Variants in TFB1M observed in about 807,000 individuals in gnomAD.
The protein encoded by TFB1M is transcription factor B1, mitochondrial, also known as dimethyladenosine transferase 1, mitochondrial.
In TFB1M, 27 loss-of-function variants were observed where a neutral mutation model predicts 31.1. That is an observed-to-expected ratio of 0.87 (90% CI 0.64 to 1.20). The LOEUF is 1.20. Ranked by LOEUF, TFB1M falls within the 50% of genes most tolerant of loss-of-function variation. TFB1M has a pLI of 0.00. For missense variants in TFB1M, 394 were observed against 418.7 expected (o/e 0.94, Z 0.51); for synonymous variants, 166 against 151.8 (o/e 1.09, Z -0.69).
chr6:155,310,072 C>A (rs755010474), intron 2 of TFB1M, among the ~76,000 whole-genome samples: 1 of 152,092 alleles, frequency 6.6e-6, no homozygotes, highest in African/African-American at 2.4e-5. Context: ...ACACAAAGTT[C>A]TAGGTTTTCA....
At chr6:155,239,691 C>T in the TFB1M span, among the ~76,000 whole-genome samples, 1 of 152,190 alleles carries the variant, frequency 6.6e-6, no homozygotes, top group Non-Finnish European at 1.5e-5. Flanking sequence ...CTATGTGATT[C>T]CTTTCCCATG....
intron 2 of TFB1M, among the ~76,000 whole-genome samples, chr6:155,310,469 T>C (rs1355796289): frequency 1.3e-5 from 2 of 152,192 alleles, no homozygotes; most frequent in Non-Finnish European, 2.9e-5. Context: ...TTTAGCTCTT[T>C]CTTAGAAAAG....
chr6:155,285,949 C>T (rs1167917288), intron 4 of TFB1M, among the ~76,000 whole-genome samples: 1 of 151,580 alleles, frequency 6.6e-6, no homozygotes, highest in Admixed American at 6.6e-5. Flanking sequence ...ATTTAAATTC[C>T]ATGTAAAATT....
chr6:155,245,376 T>G, the TFB1M span, among the ~76,000 whole-genome samples: 5 of 152,260 alleles, frequency 3.3e-5, 1 homozygote, highest in South Asian at 1.0e-3. Flanking sequence ...GAACTTTCTT[T>G]GTTTCTTGTC....
intron 5 of TFB1M, chr6:155,275,918 A>T: frequency 6.2e-7 from 1 of 1,614,092 alleles, no homozygotes; most frequent in Non-Finnish European, 8.5e-7. Flanking sequence ...CTGTGCCCTG[A>T]AACACTCCAT....
intron 5 of TFB1M, among the ~76,000 whole-genome samples, chr6:155,269,040 A>G (rs1470795755): frequency 6.6e-6 from 1 of 151,554 alleles, no homozygotes; most frequent in East Asian, 1.9e-4. Flanking sequence ...ATGGACTGCA[A>G]TCACTCAACC....
chr6:155,309,001 C>A (rs910471630), intron 2 of TFB1M, among the ~76,000 whole-genome samples: 1 of 152,116 alleles, frequency 6.6e-6, no homozygotes, highest in Non-Finnish European at 1.5e-5. Flanking sequence ...TCCTTTCCTG[C>A]ATATAAGATA....
intron 1 of TFB1M, among the ~76,000 whole-genome samples, chr6:155,311,770 T>C (rs777605293): frequency 2.0e-5 from 3 of 152,208 alleles, no homozygotes; most frequent in African/African-American, 4.8e-5. Context: ...TCAGTATTGC[T>C]AGTGAAATCC....
chr6:155,269,424 C>T (rs1428707017), intron 5 of TFB1M, among the ~76,000 whole-genome samples: 6 of 149,754 alleles, frequency 4.0e-5, no homozygotes, highest in South Asian at 4.2e-4. Flanking sequence ...TGGGTTCAAG[C>T]GATTCTCTTG....
At chr6:155,276,751 A>G (rs1785243312) in intron 5 of TFB1M, among the ~76,000 whole-genome samples, 1 of 152,236 alleles carries the variant, frequency 6.6e-6, no homozygotes, top group East Asian at 1.9e-4. Context: ...CCTGGTGTTA[A>G]CCAAGAATAT....
chr6:155,301,483 C>T (rs1777427668), intron 2 of TFB1M, among the ~76,000 whole-genome samples: 1 of 152,126 alleles, frequency 6.6e-6, no homozygotes, highest in African/African-American at 2.4e-5. Flanking sequence ...GGGAAAATCA[C>T]TATTATATGC....
intron 5 of TFB1M, chr6:155,260,647 G>T: frequency 1.8e-6 from 1 of 543,756 alleles, no homozygotes; most frequent in East Asian, 3.3e-5. Context: ...GTGCTTGATG[G>T]TCACTTAATT....
chr6:155,305,268 ATT>A (rs1420000794), intron 2 of TFB1M, among the ~76,000 whole-genome samples: 1 of 37,414 alleles, frequency 2.7e-5, no homozygotes, highest in Non-Finnish European at 4.2e-5. Flanking sequence ...TAAATTATAT[ATT>A]TATATATATA....
intron 5 of TFB1M, among the ~76,000 whole-genome samples, chr6:155,268,478 G>A (rs1430419610): frequency 6.6e-6 from 1 of 152,248 alleles, no homozygotes; most frequent in Admixed American, 6.5e-5. Context: ...TCTATGAAAA[G>A]GTGTGGTATT....
chr6:155,245,401 T>G, the TFB1M span, among the ~76,000 whole-genome samples: 1 of 152,236 alleles, frequency 6.6e-6, no homozygotes, highest in Non-Finnish European at 1.5e-5. Context: ...GATTGCACAC[T>G]GTCAGTAGGC....
At chr6:155,275,450 T>C (rs1460261174) in intron 5 of TFB1M, among the ~76,000 whole-genome samples, 1 of 152,146 alleles carries the variant, frequency 6.6e-6, no homozygotes, top group Non-Finnish European at 1.5e-5. Flanking sequence ...CAGACCAGTC[T>C]TCAAGGCCTG....
intron 5 of TFB1M, among the ~76,000 whole-genome samples, chr6:155,282,403 T>G (rs1304430771): frequency 6.6e-6 from 1 of 152,182 alleles, no homozygotes; most frequent in Non-Finnish European, 1.5e-5. Flanking sequence ...GACAGCAGAC[T>G]CTCACAGGAA....
At chr6:155,242,468 G>A in the TFB1M span, among the ~76,000 whole-genome samples, 1 of 152,224 alleles carries the variant, frequency 6.6e-6, no homozygotes, top group Non-Finnish European at 1.5e-5. Context: ...CGTGGAATAT[G>A]GTGAGGGAAG....
chr6:155,270,116 G>C (rs1278448899), intron 5 of TFB1M, among the ~76,000 whole-genome samples: 2 of 152,208 alleles, frequency 1.3e-5, no homozygotes, highest in Admixed American at 1.3e-4. Context: ...TGGAATCAGG[G>C]ATTACTTTTA....
Sources: allele counts gnomAD v4.1 joint callset (sites outside exome capture counted in the v4.1 genomes callset), GRCh38; gene constraint gnomAD v4.1.1; transcripts MANE v1.5; gene names NCBI Gene and HGNC (gene_info 2026-07-23, HGNC 2026-07-21).